Variants in SLC4A8 observed in about 807,000 individuals in gnomAD.
SLC4A8 encodes solute carrier family 4 member 8.
Under a neutral mutation model 125.0 loss-of-function variants are expected in SLC4A8, and 40 were observed. The ratio of observed to expected loss-of-function variants is 0.32; its 90% confidence interval spans 0.25 to 0.42. The LOEUF is 0.42. Ranked by LOEUF, SLC4A8 falls within the 10% of genes least tolerant of loss-of-function variation. The pLI is 1.00. For synonymous variants in SLC4A8, 456 were observed against 476.0 expected (o/e 0.96, Z 0.55); for missense variants, 863 against 1,355.1 (o/e 0.64, Z 5.70).
intron 21 of SLC4A8, among the ~76,000 whole-genome samples, chr12:51,496,730 G>A (rs985378077): frequency 6.6e-6 from 1 of 152,202 alleles, no homozygotes; most frequent in Admixed American, 6.5e-5. Flanking sequence ...ATCTGCAGAT[G>A]ATGTGCTCAT....
intron 22 of SLC4A8, among the ~76,000 whole-genome samples, chr12:51,502,846 T>TC (rs1416394967): frequency 6.7e-6 from 1 of 148,676 alleles, no homozygotes; most frequent in Non-Finnish European, 1.5e-5. Context: ...AATTTTTTTT[T>TC]TTTTTTTTTT....
chr12:51,416,992 G>T (rs897902550), intron 1 of SLC4A8, among the ~76,000 whole-genome samples: 3 of 151,888 alleles, frequency 2.0e-5, no homozygotes, highest in Non-Finnish European at 4.4e-5. Flanking sequence ...GGCCACGAGT[G>T]TGCCTGTAGT....
At chr12:51,396,956 G>A (rs1195800869) in intron 1 of SLC4A8, among the ~76,000 whole-genome samples, 4 of 127,964 alleles carry the variant, frequency 3.1e-5, no homozygotes, top group African/African-American at 1.2e-4. Flanking sequence ...TTGAGACGGA[G>A]TCTCATTCTG....
intron 19 of SLC4A8, among the ~76,000 whole-genome samples, chr12:51,491,446 G>A (rs998365833): frequency 1.3e-5 from 2 of 152,116 alleles, no homozygotes; most frequent in Non-Finnish European, 2.9e-5. Flanking sequence ...TATTAGGGAA[G>A]CCAAGTAAGG....
upstream of SLC4A8, among the ~76,000 whole-genome samples, chr12:51,422,832 T>C (rs1348148600): frequency 6.6e-6 from 1 of 152,234 alleles, no homozygotes; most frequent in South Asian, 2.1e-4. Context: ...ATCTTACCCA[T>C]GTTTTCAGAC....
chr12:51,409,450 G>T (rs751011555), intron 1 of SLC4A8, among the ~76,000 whole-genome samples: 6 of 152,078 alleles, frequency 3.9e-5, no homozygotes, highest in Non-Finnish European at 8.8e-5. Context: ...CTAGTCACTC[G>T]CTTCTCTGAA....
At chr12:51,479,682 C>G (rs1033791839) in intron 16 of SLC4A8, among the ~76,000 whole-genome samples, 1 of 39,208 alleles carries the variant, frequency 2.6e-5, no homozygotes, top group African/African-American at 1.1e-4. Flanking sequence ...GACTTGGTCT[C>G]AAAAAAAAAA....
chr12:51,501,696 G>T (rs1334278723), intron 22 of SLC4A8: 1 of 152,188 alleles, frequency 6.6e-6, no homozygotes, highest in Non-Finnish European at 1.5e-5. Context: ...TGGGTCTAAT[G>T]CTAGTTCTAT....
chr12:51,489,635 C>T, intron 18 of SLC4A8, 65 bp from the exon 19 acceptor site: 1 of 1,591,778 alleles, frequency 6.3e-7, no homozygotes, highest in South Asian at 1.1e-5. Context: ...AGACCCGTAG[C>T]TCACTGTTCT....
At chr12:51,453,815 A>G in intron 5 of SLC4A8, 116 bp downstream of exon 5, 1 of 956,142 alleles carries the variant, frequency 1.0e-6, no homozygotes, top group Admixed American at 2.4e-5. Flanking sequence ...TGGGCAAGCC[A>G]CAACCTTCCT....
rs938589646 is a variant in SLC4A8, at chr12:51,471,730, C to G, written c.1904+198C>G. ...CAAAAGTGTTGACAGAGAAGATCGA[C>G]TAGAAGTGAAACACGAAGGGGACTC... On this transcript the variant is annotated intron_variant, in intron 14 of 24. Transcript: ENST00000453097. The G allele has an allele frequency of 1.3e-5, 8 of 602,130 alleles. No individual in the cohort carries two copies. In the Admixed American group the frequency reaches 2.0e-4, roughly 15 times the overall value. The allele number at this position is 602,130 out of a possible 1,614,324, so 37.3% of individuals were successfully genotyped here.
At chr12:51,493,017 C>T (rs540484467) in intron 19 of SLC4A8, among the ~76,000 whole-genome samples, 1 of 152,106 alleles carries the variant, frequency 6.6e-6, no homozygotes, top group African/African-American at 2.4e-5. Context: ...TTTATATAGT[C>T]CCAAAAAAAC....
Position 51,472,911 on chromosome 12 carries a change from T to A in SLC4A8, c.1904+1379T>A, listed in dbSNP as rs78152434. Among the ~76,000 whole-genome samples, 1,336 of 152,336 alleles carry A rather than the reference T, an allele frequency of 8.8e-3. 16 individuals carry two copies. Among genetic ancestry groups the A allele is most frequent in the African/African-American group, 0.031 (1,268 of 41,570 alleles). On this transcript the variant is annotated intron_variant, in intron 14 of 24. Transcript: ENST00000453097. ...TAGAGTTTATTTTTTAAAGCAGTTT[T>A]AGGTTCACAGCAAAGTTGAACAGCA...
chr12:51,471,730 C>T (rs938589646), intron 14 of SLC4A8, 198 bp downstream of exon 14: 8 of 602,130 alleles, frequency 1.3e-5, no homozygotes, highest in African/African-American at 9.2e-5. Flanking sequence ...AGAAGATCGA[C>T]TAGAAGTGAA....
At position 51,460,211 on chromosome 12, in the gene SLC4A8, T is replaced by C. The variant is rs1950280406; in HGVS notation, c.1013+103T>C. On this transcript the variant is annotated intron_variant, in intron 8 of 24. Transcript: ENST00000453097. ...ACTGAAATTTAGAATTAATTAATTT[T>C]AGGAATGGTGTTTACAATTCAGCAG... 5.0e-6 allele frequency: 5 copies of C among 995,564 alleles called. 1 individual carries two copies. The South Asian group carries it at 5.2e-5, about 10-fold the overall frequency. The allele number at this position is 995,564 out of a possible 1,614,324, so 61.7% of individuals were successfully genotyped here.
intron 11 of SLC4A8, among the ~76,000 whole-genome samples, chr12:51,468,523 G>A (rs1010670224): frequency 2.0e-5 from 3 of 152,324 alleles, no homozygotes; most frequent in Non-Finnish European, 2.9e-5. Flanking sequence ...ACTTTGGGAG[G>A]CCAAGGCGAG....
In SLC4A8 at chr12:51,460,076, C is replaced by G. The variant is rs79540270; in HGVS notation, c.981C>G (p.Leu327=). The change falls in exon 8 of 25, where the codon CTC becomes CTG. Residue 327 remains leucine (L), a synonymous_variant. Transcript: ENST00000453097. Reference sequence around the variant, plus strand: ...TGAGGCTGTCTCCAGCTGTTCTTCTCTCAGGCCTAACAGAAGTGCCAATCC... The same window carrying G: ...TGAGGCTGTCTCCAGCTGTTCTTCTGTCAGGCCTAACAGAAGTGCCAATCC... ...AFVRLSPAVL[L]SGLTEVPIPT... 2,601 of 1,613,846 alleles carry G rather than the reference C, an allele frequency of 1.6e-3. 30 individuals carry two copies. In the African/African-American group the frequency reaches 0.03, roughly 19 times the overall value.
chr12:51,458,931 A>G (rs75556571), intron 7 of SLC4A8, among the ~76,000 whole-genome samples: 1 of 152,298 alleles, frequency 6.6e-6, no homozygotes, highest in African/African-American at 2.4e-5. Flanking sequence ...TGATTTTTCA[A>G]TTATTTTTTT....
In SLC4A8 at chr12:51,504,252, T is replaced by A. The variant is rs1592283457; in HGVS notation, c.3173+132T>A. 6.0e-6 allele frequency: 4 copies of A among 668,634 alleles called. No individual in the cohort carries two copies. The East Asian group carries it at 1.1e-4, about 18-fold the overall frequency. 41.4% of individuals were successfully genotyped at this position (668,634 alleles called of 1,614,324 possible). A position where few individuals can be genotyped will look rare whatever the true frequency, so the allele number is the denominator to read the frequency against. The stretch of plus-strand genomic sequence containing the variant: ...AATATTCAGCCTCCCAGTTCCATCC[T>A]GTGAAAATACCTTTTCCATCTCATT... On this transcript the variant is annotated intron_variant, in intron 23 of 24. Coordinates refer to ENST00000453097, the MANE Select transcript of SLC4A8 (RefSeq NM_001039960.3).
Sources: allele counts gnomAD v4.1 joint callset (sites outside exome capture counted in the v4.1 genomes callset), GRCh38; gene constraint gnomAD v4.1.1; transcripts MANE v1.5; gene names NCBI Gene and HGNC (gene_info 2026-07-23, HGNC 2026-07-21).